The following RIMBP2 variants were observed in gnomAD, a reference collection of about 807,000 sequenced individuals.
RIMBP2 encodes the protein RIMS-binding protein 2.
RIMBP2 carries 48 observed loss-of-function variants against 118.6 expected under a neutral mutation model. The observed-to-expected ratio is 0.40, with a 90% CI of 0.32 to 0.51. The LOEUF (loss-of-function observed/expected upper bound fraction) is 0.51. RIMBP2 is among the 20% of genes least tolerant of loss of function. RIMBP2 has a pLI of 0.41. For synonymous variants in RIMBP2, 762 were observed against 742.9 expected (o/e 1.03, Z -0.42); for missense variants, 1,551 against 1,768.3 (o/e 0.88, Z 2.20).
intron 17 of RIMBP2, among the ~76,000 whole-genome samples, chr12:130,421,910 G>T (rs919873190): frequency 6.6e-6 from 1 of 152,234 alleles, no homozygotes; most frequent in Non-Finnish European, 1.5e-5. Flanking sequence ...GTCAGGAAGA[G>T]AATGGAAACG....
intron 1 of RIMBP2, among the ~76,000 whole-genome samples, chr12:130,647,885 C>T (rs960911327): frequency 2.7e-5 from 4 of 145,994 alleles, no homozygotes; most frequent in African/African-American, 7.4e-5. Context: ...AGGTTCTCCC[C>T]GCTAGACGCC....
chr12:130,450,041 T>A lies in RIMBP2; in HGVS notation c.581+159A>T, dbSNP rs1014818076. Among the ~76,000 whole-genome samples the A allele has an allele frequency of 5.3e-5, 8 of 151,938 alleles. No homozygotes were observed. The highest frequency in any genetic ancestry group is 1.9e-4 in the African/African-American group (8 of 41,380). On this transcript the variant is annotated intron_variant, in intron 9 of 22. Coordinates refer to ENST00000690449, the MANE Select transcript of RIMBP2 (RefSeq NM_001393629.1). The surrounding 1 kb of genome is among the most constrained non-coding windows in gnomAD (Gnocchi z 4.8). Reference sequence around the variant, plus strand: ...AGACTTGCGTGCCACCCAAACTCTCTCCACCGAACCCTGCTCAGCCTCCAG... The same window carrying A: ...AGACTTGCGTGCCACCCAAACTCTCACCACCGAACCCTGCTCAGCCTCCAG...
chr12:130,437,821 C>A (rs933164638), intron 12 of RIMBP2, among the ~76,000 whole-genome samples: 1 of 152,160 alleles, frequency 6.6e-6, no homozygotes, highest in Non-Finnish European at 1.5e-5. Context: ...TCCTGCAGGG[C>A]GGAGCTGGGG....
At chr12:130,583,459 T>C (rs4759730) in intron 2 of RIMBP2, among the ~76,000 whole-genome samples, 125,351 of 150,964 alleles carry the variant, frequency 0.83, 52,017 homozygotes, top group South Asian at 0.88. Context: ...ATCACTATCA[T>C]GACCATTACA....
At chr12:130,689,092 G>A (rs1011919207) in intron 1 of RIMBP2, among the ~76,000 whole-genome samples, 16 of 152,196 alleles carry the variant, frequency 1.1e-4, no homozygotes, top group Non-Finnish European at 1.6e-4. Flanking sequence ...ATAAATCCTC[G>A]AGACCAATTT....
rs2058071575 is a variant in RIMBP2, at chr12:130,576,136, GGGA to G, written c.-217+52183_-217+52185del. ...GCAAAGGGGCTGCGGACAGGTGAGGGGGAGGAGGGGGCTGCAGATCGTACCTTG... is the reference window on the plus strand; with the variant it reads ...GCAAAGGGGCTGCGGACAGGTGAGGGGGAGGGGGCTGCAGATCGTACCTTG... On this transcript the variant is annotated intron_variant, in intron 2 of 22. Coordinates refer to ENST00000690449, the MANE Select transcript of RIMBP2 (RefSeq NM_001393629.1). The surrounding 1 kb of genome is among the most constrained non-coding windows in gnomAD (Gnocchi z 4.2). Among the ~76,000 whole-genome samples, 1 of 152,072 alleles carries G rather than the reference GGGA, an allele frequency of 6.6e-6. No homozygotes were observed. The highest frequency in any genetic ancestry group is 2.4e-5 in the African/African-American group (1 of 41,392).
At chr12:130,610,052 C>T (rs1211842156) in intron 2 of RIMBP2, among the ~76,000 whole-genome samples, 1 of 152,248 alleles carries the variant, frequency 6.6e-6, no homozygotes. Context: ...GTTCTCTGGG[C>T]ATCCCTCAAC....
At chr12:130,674,313 G>T (rs1278854851) in intron 1 of RIMBP2, among the ~76,000 whole-genome samples, 1 of 152,158 alleles carries the variant, frequency 6.6e-6, no homozygotes, top group African/African-American at 2.4e-5. Flanking sequence ...TGTACGGCTG[G>T]TGGAACCATG....
chr12:130,502,279 C>T (rs1381379778), intron 4 of RIMBP2, among the ~76,000 whole-genome samples: 3 of 152,106 alleles, frequency 2.0e-5, no homozygotes, highest in Non-Finnish European at 4.4e-5. Context: ...GGACTGTGAC[C>T]GCTTCAAGCC....
intron 2 of RIMBP2, among the ~76,000 whole-genome samples, chr12:130,552,487 A>G (rs1169779749): frequency 6.6e-6 from 1 of 152,248 alleles, no homozygotes; most frequent in African/African-American, 2.4e-5. Flanking sequence ...TAATGACAAG[A>G]TAATGGCTAA....
intron 20 of RIMBP2, 96 bp from the exon 21 acceptor site, chr12:130,406,339 A>C: frequency 1.3e-6 from 1 of 762,236 alleles, no homozygotes; most frequent in Non-Finnish European, 2.2e-6. Context: ...ACTATTTGAG[A>C]ATTTCTGGTA....
At chr12:130,522,739 G>A (rs2052283896) in intron 2 of RIMBP2, among the ~76,000 whole-genome samples, 1 of 152,136 alleles carries the variant, frequency 6.6e-6, no homozygotes, top group Non-Finnish European at 1.5e-5. Context: ...TTTCCACGGA[G>A]GATGGCCCAC....
At chr12:130,524,897 G>A (rs182427667) in intron 2 of RIMBP2, among the ~76,000 whole-genome samples, 43 of 152,304 alleles carry the variant, frequency 2.8e-4, no homozygotes, top group Non-Finnish European at 5.1e-4. Flanking sequence ...AGGGAGGAGG[G>A]AGAAAGTGCA....
At position 130,587,218 on chromosome 12, in the gene RIMBP2, T is replaced by G. The variant is rs1381173846; in HGVS notation, c.-217+41104A>C. ...GGATGTGGAGAAATAGGAACACTTT[T>G]ACACTGTTGGTGGGACTGTAAACTA... is the stretch of plus-strand genomic sequence containing the variant. On this transcript the variant is annotated intron_variant, in intron 2 of 22. Transcript: ENST00000690449. Among the ~76,000 whole-genome samples, 57 of 146,462 alleles carry G rather than the reference T, an allele frequency of 3.9e-4. No individual in the cohort carries two copies. In the South Asian group the frequency reaches 4.2e-3, roughly 11 times the overall value.
At chr12:130,668,548 T>C (rs1476575127) in intron 1 of RIMBP2, 4 of 152,384 alleles carry the variant, frequency 2.6e-5, no homozygotes, top group African/African-American at 9.6e-5. Flanking sequence ...CATGCTGAGG[T>C]CTGAGGGGAG....
chr12:130,599,602 C>T (rs868156834), intron 2 of RIMBP2, among the ~76,000 whole-genome samples: 1 of 152,176 alleles, frequency 6.6e-6, no homozygotes. Context: ...ATTAAAAACA[C>T]TGGGCATGCA....
Position 130,407,848 on chromosome 12 carries a change from G to A in RIMBP2, c.3590-19C>T, listed in dbSNP as rs1161545378. On this transcript the variant is annotated intron_variant, in intron 19 of 22. Transcript: ENST00000690449. The stretch of plus-strand genomic sequence containing the variant: ...CTTCTCTCTGTTCAGATCACAAGGG[G>A]GAAAGAAATCCATCATGAGGTTATT... 8 of 1,601,352 alleles carry A rather than the reference G, an allele frequency of 5.0e-6. No homozygotes were observed. The Admixed American group carries it at 1.2e-4, about 23-fold the overall frequency.
At chr12:130,532,118 C>T (rs550197270) in intron 2 of RIMBP2, among the ~76,000 whole-genome samples, 313 of 147,908 alleles carry the variant, frequency 2.1e-3, no homozygotes, top group African/African-American at 6.7e-3. Flanking sequence ...TAATGAGATG[C>T]GTGTGTGTAG....
chr12:130,699,549 A>G (rs1330988447), intron 1 of RIMBP2, among the ~76,000 whole-genome samples: 1 of 121,022 alleles, frequency 8.3e-6, no homozygotes, highest in South Asian at 2.7e-4. Flanking sequence ...GGACACAGGA[A>G]GGGGAACATC....
Sources: gnomAD v4.1 joint callset for allele counts (sites outside exome capture counted in the v4.1 genomes callset) on GRCh38, gnomAD v4.1.1 for gene constraint, Gnocchi (gnomAD v3.1) non-coding constraint, MANE v1.5 for transcripts, NCBI Gene and HGNC (gene_info 2026-07-23, HGNC 2026-07-21) for gene names.